DPYD: variants seen among roughly 807,000 people sequenced by gnomAD.
DPYD encodes dihydropyrimidine dehydrogenase [NADP(+)].
Under a neutral mutation model 116.2 loss-of-function variants are expected in DPYD, and 109 were observed. That is an observed-to-expected ratio of 0.94 (90% confidence interval 0.80 to 1.10). DPYD has a LOEUF of 1.10. Among genes scored for constraint, DPYD ranks in the 50% least tolerant of loss-of-function variants. DPYD has a pLI of 0.00. For missense variants in DPYD, 1,302 were observed against 1,254.5 expected (o/e 1.04, Z -0.57); for synonymous variants, 440 against 432.0 (o/e 1.02, Z -0.23).
intron 11 of DPYD, among the ~76,000 whole-genome samples, chr1:97,572,624 T>C (rs1652978475): frequency 1.3e-5 from 2 of 151,996 alleles, no homozygotes; most frequent in Non-Finnish European, 2.9e-5. Flanking sequence ...TCATTCTTTT[T>C]TCCTTCCTGA....
intron 3 of DPYD, among the ~76,000 whole-genome samples, chr1:97,770,090 G>A (rs75423615): frequency 0.018 from 2,714 of 152,306 alleles, 86 homozygotes; most frequent in African/African-American, 0.062. Context: ...AACTGCAAAT[G>A]CAAAGGGCCA....
At chr1:97,173,420 ATG>A (rs1334544963) in intron 20 of DPYD, among the ~76,000 whole-genome samples, 4 of 150,000 alleles carry the variant, frequency 2.7e-5, no homozygotes, top group Admixed American at 6.6e-5. Context: ...ACGTACATAT[ATG>A]TGTGTATATA....
chr1:97,648,760 T>C (rs570919581), intron 8 of DPYD, among the ~76,000 whole-genome samples: 1 of 152,182 alleles, frequency 6.6e-6, no homozygotes, highest in South Asian at 2.1e-4. Context: ...AGGCAAATTA[T>C]ATGATTATTC....
At chr1:97,469,396 GC>G (rs1677502380) in intron 13 of DPYD, among the ~76,000 whole-genome samples, 5 of 8,520 alleles carry the variant, frequency 5.9e-4, no homozygotes, top group African/African-American at 2.9e-3. Flanking sequence ...AGCTAAAATT[GC>G]AAAAAAAAAA....
intron 3 of DPYD, among the ~76,000 whole-genome samples, chr1:97,745,795 C>G (rs1664515916): frequency 6.6e-6 from 1 of 152,002 alleles, no homozygotes; most frequent in Non-Finnish European, 1.5e-5. Flanking sequence ...ATAACTAAAA[C>G]ACATTTAGTA....
intron 5 of DPYD, among the ~76,000 whole-genome samples, chr1:97,700,624 C>T (rs765608671): frequency 6.6e-6 from 1 of 151,998 alleles, no homozygotes; most frequent in African/African-American, 2.4e-5. Flanking sequence ...AAGTCAACCA[C>T]AGTTTCTACA....
chr1:97,660,008 A>G (rs1201794405), intron 8 of DPYD, among the ~76,000 whole-genome samples: 1 of 152,144 alleles, frequency 6.6e-6, no homozygotes, highest in East Asian at 1.9e-4. Flanking sequence ...CTGTAATGGC[A>G]TGGTGGTTGG....
At chr1:97,448,356 AT>A (rs1333014630) in intron 14 of DPYD, among the ~76,000 whole-genome samples, 1 of 152,220 alleles carries the variant, frequency 6.6e-6, no homozygotes, top group Non-Finnish European at 1.5e-5. Flanking sequence ...TTGATATGGT[AT>A]TTAATCGCTG....
intron 3 of DPYD, among the ~76,000 whole-genome samples, chr1:97,779,225 T>C (rs1666591215): frequency 6.6e-6 from 1 of 152,066 alleles, no homozygotes; most frequent in Admixed American, 6.6e-5. Context: ...ACCTAAAATT[T>C]AGAATCTATT....
At chr1:97,907,760 T>A (rs923290085) in intron 1 of DPYD, among the ~76,000 whole-genome samples, 6 of 151,934 alleles carry the variant, frequency 3.9e-5, no homozygotes, top group Admixed American at 3.9e-4. Context: ...TCCACAAATA[T>A]CCCAGCTCCT....
chr1:97,823,933 C>T (rs935250151), intron 3 of DPYD, among the ~76,000 whole-genome samples: 2 of 116,542 alleles, frequency 1.7e-5, no homozygotes, highest in African/African-American at 6.4e-5. Flanking sequence ...ACAAAAAAAA[C>T]CTTTTATACC....
intron 20 of DPYD, among the ~76,000 whole-genome samples, chr1:97,166,307 C>T (rs1250496421): frequency 6.6e-6 from 1 of 151,928 alleles, no homozygotes; most frequent in Non-Finnish European, 1.5e-5. Context: ...AGCTGGAGGC[C>T]GTTATCTTTA....
intron 18 of DPYD, among the ~76,000 whole-genome samples, chr1:97,278,484 A>C (rs1665099261): frequency 6.6e-6 from 1 of 152,216 alleles, no homozygotes; most frequent in African/African-American, 2.4e-5. Context: ...AAGCTGTGAT[A>C]GTTCAATGTT....
At chr1:97,336,568 G>A (rs1457281019) in intron 16 of DPYD, among the ~76,000 whole-genome samples, 1 of 152,132 alleles carries the variant, frequency 6.6e-6, no homozygotes, top group African/African-American at 2.4e-5. Flanking sequence ...GGCCAACAAG[G>A]CAAAACTCTG....
chr1:97,542,543 T>C (rs1650525722), intron 12 of DPYD, among the ~76,000 whole-genome samples: 1 of 152,164 alleles, frequency 6.6e-6, no homozygotes, highest in African/African-American at 2.4e-5. Context: ...ATTTTGTTTC[T>C]TGTTGTTTGT....
At position 97,830,968 on chromosome 1, in the gene DPYD, T is replaced by C. The variant is rs559287144; in HGVS notation, c.151-2772A>G. Among the ~76,000 whole-genome samples the C allele has an allele frequency of 3.3e-5, 5 of 152,306 alleles. No individual in the cohort carries two copies. In the South Asian group the frequency reaches 1.0e-3, roughly 32 times the overall value. The stretch of plus-strand genomic sequence containing the variant: ...TGGAATGGGAAACCCAAAATGAGTA[T>C]TAGGCTAACTAACAGAAGAACAAAT... On this transcript the variant is annotated intron_variant, in intron 2 of 22. Coordinates refer to ENST00000370192, the MANE Select transcript of DPYD (RefSeq NM_000110.4).
chr1:97,249,413 A>G (rs902272387), intron 18 of DPYD, among the ~76,000 whole-genome samples: 1 of 152,140 alleles, frequency 6.6e-6, no homozygotes, highest in Admixed American at 6.5e-5. Flanking sequence ...AAGAAAGGAA[A>G]AAAATGAAAC....
chr1:97,190,087 T>G (rs1229739357), intron 20 of DPYD, among the ~76,000 whole-genome samples: 2 of 152,188 alleles, frequency 1.3e-5, no homozygotes, highest in Non-Finnish European at 2.9e-5. Context: ...ACAAGGAAGC[T>G]TCACATAAAT....
intron 8 of DPYD, among the ~76,000 whole-genome samples, chr1:97,600,096 A>G (rs1468988813): frequency 6.6e-6 from 1 of 151,916 alleles, no homozygotes; most frequent in East Asian, 1.9e-4. Context: ...TAGTATACTG[A>G]ACTCTACAGG....
Sources: gnomAD v4.1 joint callset for allele counts (sites outside exome capture counted in the v4.1 genomes callset) on GRCh38, gnomAD v4.1.1 for gene constraint, MANE v1.5 for transcripts, NCBI Gene and HGNC (gene_info 2026-07-23, HGNC 2026-07-21) for gene names.